Variants in RAB6A observed in about 807,000 individuals in gnomAD.
RAB6A encodes the protein ras-related protein Rab-6A.
RAB6A carries 8 observed loss-of-function variants against 32.3 expected under a neutral mutation model. That is an observed-to-expected ratio of 0.25 (90% CI 0.15 to 0.45). The LOEUF is 0.45. Ranked by LOEUF, RAB6A falls within the 20% of genes least tolerant of loss-of-function variation. The pLI is 1.00. For synonymous variants in RAB6A, 73 were observed against 82.1 expected (o/e 0.89, Z 0.60); for missense variants, 104 against 249.4 (o/e 0.42, Z 3.93).
At chr11:73,693,863 C>CAA (rs535750100) in intron 6 of RAB6A, among the ~76,000 whole-genome samples, 2 of 137,794 alleles carry the variant, frequency 1.5e-5, no homozygotes, top group African/African-American at 5.3e-5. Context: ...GAGACTGTTT[C>CAA]AAAAAAAAAA....
At chr11:73,726,582 A>C (rs1207134474) in intron 2 of RAB6A, among the ~76,000 whole-genome samples, 3 of 61,396 alleles carry the variant, frequency 4.9e-5, no homozygotes. Context: ...ACTCTGTCTC[A>C]AAAAAAAAAA....
chr11:73,694,201 A>G (rs1945621485), intron 6 of RAB6A, among the ~76,000 whole-genome samples: 1 of 152,238 alleles, frequency 6.6e-6, no homozygotes. Flanking sequence ...ATGCTGTAGT[A>G]ACAATTTTTA....
intron 1 of RAB6A, among the ~76,000 whole-genome samples, chr11:73,744,182 C>T (rs1946542521): frequency 6.6e-6 from 1 of 151,104 alleles, no homozygotes; most frequent in Non-Finnish European, 1.5e-5. Flanking sequence ...ACTAAAAATA[C>T]AAAAAATTAG....
chr11:73,729,208 C>T (rs1248828574), intron 2 of RAB6A, among the ~76,000 whole-genome samples: 1 of 152,176 alleles, frequency 6.6e-6, no homozygotes, highest in Admixed American at 6.5e-5. Context: ...AAGCGATTCT[C>T]CTGGCTCAGC....
intron 6 of RAB6A, among the ~76,000 whole-genome samples, chr11:73,706,475 CT>C (rs1945846509): frequency 1.3e-5 from 2 of 150,812 alleles, no homozygotes; most frequent in South Asian, 4.2e-4. Context: ...GATCGCGCCA[CT>C]GCACTCCAGC....
At position 73,681,703 on chromosome 11, in the gene RAB6A, G is replaced by A. The variant is rs572989175; in HGVS notation, c.496-1983C>T. Reference sequence around the variant, plus strand: ...GCATGCCCGTAATCCCAGCTACTCGGGAGGCTGAGGCAGAAGAATCGCTTG... The same window carrying A: ...GCATGCCCGTAATCCCAGCTACTCGAGAGGCTGAGGCAGAAGAATCGCTTG... On this transcript the variant is annotated intron_variant, in intron 6 of 7. Transcript: ENST00000336083. 2.6e-5 allele frequency among the ~76,000 whole-genome samples: 4 copies of A among 152,286 alleles called. No individual in the cohort carries two copies. In the East Asian group the frequency reaches 7.7e-4, roughly 29 times the overall value.
intron 6 of RAB6A, among the ~76,000 whole-genome samples, chr11:73,694,952 G>GT (rs1285746224): frequency 5.9e-5 from 9 of 152,128 alleles, no homozygotes; most frequent in African/African-American, 2.2e-4. Context: ...GGAGATTGAG[G>GT]TAACAGTGAG....
intron 3 of RAB6A, chr11:73,718,962 T>G (rs1050804104): frequency 1.2e-5 from 17 of 1,395,992 alleles, no homozygotes; most frequent in Non-Finnish European, 1.7e-5. Flanking sequence ...GAAACAATGT[T>G]TTTTGTAAAA....
At position 73,729,185 on chromosome 11, in the gene RAB6A, G is replaced by A. The variant is rs1837155587; in HGVS notation, c.129+1580C>T. Among the ~76,000 whole-genome samples, 5 of 152,114 alleles carry A rather than the reference G, an allele frequency of 3.3e-5. No individual in the cohort carries two copies. The South Asian group carries it at 6.2e-4, about 19-fold the overall frequency. ...ATGATCTCAGCTCATTGCAACCTCC[G>A]CCTCCTGGGTTCAAGCGATTCTCCT... On this transcript the variant is annotated intron_variant, in intron 2 of 7. Coordinates refer to ENST00000336083, the MANE Select transcript of RAB6A (RefSeq NM_198896.2).
intron 6 of RAB6A, among the ~76,000 whole-genome samples, chr11:73,690,787 C>A (rs1457891711): frequency 6.7e-6 from 1 of 149,890 alleles, no homozygotes; most frequent in Non-Finnish European, 1.5e-5. Context: ...GTGGAAGGGT[C>A]CGGGTATGGG....
At chr11:73,685,593 T>TCTTTTTTTTTTTTTTTTTAA (rs1555054180) in intron 6 of RAB6A, among the ~76,000 whole-genome samples, 1 of 146,968 alleles carries the variant, frequency 6.8e-6, no homozygotes, top group East Asian at 2.0e-4. Context: ...GGACTGAAAG[T>TCTTTTTTTTTTTTTTTTTAA]AGCGACCAGG....
intron 5 of RAB6A, among the ~76,000 whole-genome samples, chr11:73,710,726 G>A (rs554911893): frequency 6.6e-6 from 1 of 150,864 alleles, no homozygotes; most frequent in Non-Finnish European, 1.5e-5. Flanking sequence ...AACAGAGAGA[G>A]ACTCAGTCTT....
intron 1 of RAB6A, among the ~76,000 whole-genome samples, chr11:73,748,271 A>T (rs1946621690): frequency 6.6e-6 from 1 of 152,200 alleles, no homozygotes; most frequent in African/African-American, 2.4e-5. Flanking sequence ...AAGCTCAAAA[A>T]CGTGTAAAGG....
chr11:73,760,899 G>C lies in RAB6A; in HGVS notation c.-264C>G, dbSNP rs1454817071. On this transcript the variant is annotated 5_prime_UTR_variant, in exon 1 of 8. Coordinates refer to ENST00000336083, the MANE Select transcript of RAB6A (RefSeq NM_198896.2). ...AGGGCGGTGTCGGCAGGAGCCAGGG[G>C]TGTCCTCTGGCTTCCCAAAGCTAGG... 1 of 447,524 alleles carries C rather than the reference G, an allele frequency of 2.2e-6. No homozygotes were observed. Among genetic ancestry groups the C allele is most frequent in the South Asian group, 4.5e-5 (1 of 22,228 alleles). The allele number at this position is 447,524 out of a possible 1,614,324, so 27.7% of individuals were successfully genotyped here.
At chr11:73,744,355 A>AAT (rs1430836586) in intron 1 of RAB6A, among the ~76,000 whole-genome samples, 2 of 148,918 alleles carry the variant, frequency 1.3e-5, no homozygotes, top group Admixed American at 6.7e-5. Flanking sequence ...AAAAAAAAAA[A>AAT]TTTAAATTAG....
At position 73,679,737 on chromosome 11, in the gene RAB6A, A is replaced by G. The variant is rs1483850755; in HGVS notation, c.496-17T>C. On this transcript the variant is annotated splice_polypyrimidine_tract_variant and intron_variant, in intron 6 of 7. Coordinates refer to ENST00000336083, the MANE Select transcript of RAB6A (RefSeq NM_198896.2). Reference sequence around the variant, plus strand: ...TCGAAAGAGCTGTGGGAAAGAGAGAAAAGTGATAACTGAGAGGGAACATTT... The same window carrying G: ...TCGAAAGAGCTGTGGGAAAGAGAGAGAAGTGATAACTGAGAGGGAACATTT... 2 of 1,613,620 alleles carry G rather than the reference A, an allele frequency of 1.2e-6. No individual in the cohort carries two copies. The highest frequency in any genetic ancestry group is 2.7e-5 in the African/African-American group (2 of 74,932).
intron 5 of RAB6A, among the ~76,000 whole-genome samples, chr11:73,711,821 A>G (rs538762241): frequency 1.3e-5 from 2 of 152,224 alleles, no homozygotes; most frequent in Non-Finnish European, 2.9e-5. Context: ...GGCAGTCTGA[A>G]TCTGAGGCAA....
chr11:73,700,395 C>A (rs1028578557), intron 6 of RAB6A, among the ~76,000 whole-genome samples: 5 of 151,872 alleles, frequency 3.3e-5, no homozygotes, highest in African/African-American at 1.2e-4. Flanking sequence ...GAGGCCTGGG[C>A]AATATAGCAA....
intron 6 of RAB6A, among the ~76,000 whole-genome samples, chr11:73,701,722 C>T (rs1282503926): frequency 2.7e-5 from 4 of 150,568 alleles, no homozygotes; most frequent in African/African-American, 4.9e-5. Context: ...GGTGTGATCT[C>T]AGCTCACTGC....
Sources: gnomAD v4.1 joint callset for allele counts (sites outside exome capture counted in the v4.1 genomes callset) on GRCh38, gnomAD v4.1.1 for gene constraint, MANE v1.5 for transcripts, NCBI Gene and HGNC (gene_info 2026-07-23, HGNC 2026-07-21) for gene names.